Variants in MED27 observed in about 807,000 individuals in gnomAD.
MED27 encodes mediator of RNA polymerase II transcription subunit 27.
In MED27, 30 loss-of-function variants were observed where a neutral mutation model predicts 38.2. The ratio of observed to expected loss-of-function variants is 0.79; its 90% CI spans 0.59 to 1.07. The LOEUF (loss-of-function observed/expected upper bound fraction) is 1.07. MED27 is among the 50% of genes least tolerant of loss of function. The probability of loss-of-function intolerance (pLI) is 0.00; values close to 1 mark genes in which losing one functional copy is unlikely to be tolerated. For synonymous variants in MED27, 122 were observed against 153.5 expected (o/e 0.79, Z 1.52); for missense variants, 289 against 397.5 (o/e 0.73, Z 2.32).
chr9:131,918,476 AC>A (rs1339292598), intron 4 of MED27, among the ~76,000 whole-genome samples: 1 of 152,234 alleles, frequency 6.6e-6, no homozygotes, highest in Non-Finnish European at 1.5e-5. Context: ...TGCCAAGCAA[AC>A]AAACAAACAA....
At chr9:132,071,429 A>T (rs527932037) in intron 2 of MED27, among the ~76,000 whole-genome samples, 97 of 151,812 alleles carry the variant, frequency 6.4e-4, no homozygotes, top group African/African-American at 2.2e-3. Context: ...CACATGAATA[A>T]CAGGTGCCTC....
chr9:131,872,778 A>G lies in MED27; in HGVS notation c.724-9638T>C, dbSNP rs1838860339. ...GGCAGCATGTGCACACTGTGCCCTG[A>G]AGTTCCTGCCCCAATCCAGGAACCC... is the stretch of plus-strand genomic sequence containing the variant. On this transcript the variant is annotated intron_variant, in intron 6 of 7. Coordinates refer to ENST00000292035, the MANE Select transcript of MED27 (RefSeq NM_004269.4). This position sits in a 1 kb window ranked among gnomAD's most constrained non-coding sequence, Gnocchi z 5.6. 6.6e-6 allele frequency among the ~76,000 whole-genome samples: 1 copy of G among 152,200 alleles called. No homozygotes were observed. The highest frequency in any genetic ancestry group is 2.1e-4 in the South Asian group (1 of 4,828).
At chr9:131,907,295 T>A (rs1352949363) in intron 4 of MED27, among the ~76,000 whole-genome samples, 1 of 152,032 alleles carries the variant, frequency 6.6e-6, no homozygotes, top group Non-Finnish European at 1.5e-5. Flanking sequence ...ACTGCTGCCA[T>A]CTCAGCTCAC....
At chr9:132,015,770 GATC>G (rs1412134356) in intron 2 of MED27, among the ~76,000 whole-genome samples, 2 of 152,114 alleles carry the variant, frequency 1.3e-5, no homozygotes, top group Non-Finnish European at 2.9e-5. Context: ...TTGTATTTTA[GATC>G]ATAAGAGTTG....
At chr9:131,952,128 A>G (rs1831010646) in intron 3 of MED27, among the ~76,000 whole-genome samples, 1 of 152,228 alleles carries the variant, frequency 6.6e-6, no homozygotes, top group South Asian at 2.1e-4. Context: ...GATTACATCA[A>G]CAAGCCTTTT....
intron 5 of MED27, among the ~76,000 whole-genome samples, chr9:131,890,802 T>A (rs550631714): frequency 2.6e-5 from 4 of 152,180 alleles, no homozygotes; most frequent in African/African-American, 9.7e-5. Context: ...AGTTTCTCCA[T>A]GTGTAAGATG....
intron 4 of MED27, among the ~76,000 whole-genome samples, chr9:131,899,099 G>A (rs1422248291): frequency 1.3e-5 from 2 of 152,220 alleles, no homozygotes; most frequent in Non-Finnish European, 2.9e-5. Context: ...GCCTGGCACA[G>A]GGAGTGCTCA....
At chr9:132,043,474 C>T (rs1172409118) in intron 2 of MED27, among the ~76,000 whole-genome samples, 2 of 151,938 alleles carry the variant, frequency 1.3e-5, no homozygotes, top group Admixed American at 1.3e-4. Context: ...GTTTCATAAG[C>T]TGGGAGCAGG....
At chr9:131,876,657 C>T (rs1838938641) in intron 6 of MED27, among the ~76,000 whole-genome samples, 1 of 152,104 alleles carries the variant, frequency 6.6e-6, no homozygotes, top group African/African-American at 2.4e-5. Context: ...GCTTGGCGAC[C>T]TGGTCAATAC....
chr9:132,052,013 C>T (rs1328454808), intron 2 of MED27, among the ~76,000 whole-genome samples: 3 of 152,174 alleles, frequency 2.0e-5, no homozygotes, highest in Non-Finnish European at 4.4e-5. Flanking sequence ...AACATGGCTC[C>T]ATTCAATCCG....
intron 2 of MED27, among the ~76,000 whole-genome samples, chr9:132,025,628 GTTC>G (rs1832802034): frequency 6.6e-6 from 1 of 152,204 alleles, no homozygotes; most frequent in Non-Finnish European, 1.5e-5. Flanking sequence ...CCTTGGGAGA[GTTC>G]TTCAATTTTC....
At chr9:131,972,475 A>T (rs1831500993) in intron 3 of MED27, among the ~76,000 whole-genome samples, 1 of 152,208 alleles carries the variant, frequency 6.6e-6, no homozygotes, top group Non-Finnish European at 1.5e-5. Context: ...GAAATTCTTC[A>T]AAAGCCACAC....
intron 3 of MED27, among the ~76,000 whole-genome samples, chr9:131,946,380 T>C (rs923142009): frequency 2.6e-5 from 4 of 152,156 alleles, no homozygotes; most frequent in African/African-American, 7.2e-5. Flanking sequence ...TGTGTGAGGG[T>C]TCCCTTTTCT....
At chr9:131,984,297 T>C (rs536502692) in intron 3 of MED27, among the ~76,000 whole-genome samples, 9 of 152,308 alleles carry the variant, frequency 5.9e-5, no homozygotes, top group African/African-American at 2.2e-4. Flanking sequence ...TTGTCTTCCA[T>C]ATTCTCCACT....
chr9:131,890,731 T>A (rs1839214584), intron 5 of MED27, among the ~76,000 whole-genome samples: 1 of 152,166 alleles, frequency 6.6e-6, no homozygotes, highest in Admixed American at 6.5e-5. Context: ...GAGCTCCTGG[T>A]AGATGCAGGA....
chr9:132,025,582 A>G (rs549744358), intron 2 of MED27, among the ~76,000 whole-genome samples: 19 of 152,378 alleles, frequency 1.2e-4, no homozygotes, highest in African/African-American at 4.3e-4. Flanking sequence ...CCATCTGGAT[A>G]TACAACAGAG....
chr9:131,919,992 G>A (rs1830360068), intron 4 of MED27, among the ~76,000 whole-genome samples: 1 of 151,848 alleles, frequency 6.6e-6, no homozygotes, highest in Non-Finnish European at 1.5e-5. Context: ...AAAATTTTTT[G>A]TAGAGATGGG....
At chr9:132,032,619 A>G (rs1832988608) in intron 2 of MED27, among the ~76,000 whole-genome samples, 1 of 152,224 alleles carries the variant, frequency 6.6e-6, no homozygotes, top group South Asian at 2.1e-4. Context: ...TTGTAACAGA[A>G]TGTGTTCGTT....
chr9:131,899,758 C>T (rs529105346), intron 4 of MED27, among the ~76,000 whole-genome samples: 5 of 152,308 alleles, frequency 3.3e-5, no homozygotes, highest in East Asian at 1.9e-4. Flanking sequence ...GCCCTCACAT[C>T]GCTCTACAAT....
Sources: allele counts gnomAD v4.1 joint callset (sites outside exome capture counted in the v4.1 genomes callset), GRCh38; gene constraint gnomAD v4.1.1; non-coding constraint Gnocchi (gnomAD v3.1); transcripts MANE v1.5; gene names NCBI Gene and HGNC (gene_info 2026-07-23, HGNC 2026-07-21).